Variants in NRG1 observed in about 807,000 individuals in gnomAD.
NRG1 encodes the protein neuregulin 1, also known as pro-neuregulin-1, membrane-bound isoform.
In NRG1, 18 loss-of-function variants were observed where a neutral mutation model predicts 63.8. That is an observed-to-expected ratio of 0.28 (90% CI 0.19 to 0.42). NRG1 has a LOEUF of 0.42. Ranked by LOEUF, NRG1 falls within the 10% of genes least tolerant of loss-of-function variation. The pLI is 1.00. For missense variants in NRG1, 762 were observed against 814.7 expected (o/e 0.94, Z 0.79); for synonymous variants, 302 against 301.3 (o/e 1.00, Z -0.02).
At chr8:32,133,518 T>C (rs1275394277) in intron 1 of NRG1, among the ~76,000 whole-genome samples, 3 of 152,168 alleles carry the variant, frequency 2.0e-5, no homozygotes, top group African/African-American at 7.2e-5. Flanking sequence ...CAAATAGCTA[T>C]TGGTTTGGAT....
chr8:32,548,674 C>A, exon 1 of NRG1: 1 of 1,539,750 alleles, frequency 6.5e-7, no homozygotes, highest in Admixed American at 2.0e-5. Flanking sequence ...GCCCTTGGAC[C>A]AAACTCGCCT....
intron 7 of NRG1, among the ~76,000 whole-genome samples, chr8:32,750,763 C>T (rs75220960): frequency 0.032 from 4,864 of 151,466 alleles, 320 homozygotes; most frequent in East Asian, 0.29. Flanking sequence ...ATGAGAAGCC[C>T]CCAGGTGCAC....
chr8:32,730,811 T>C (rs920281720), intron 6 of NRG1, among the ~76,000 whole-genome samples: 1 of 152,198 alleles, frequency 6.6e-6, no homozygotes, highest in African/African-American at 2.4e-5. Context: ...ATTTGTTATA[T>C]GGGGAAACCT....
chr8:31,790,387 T>C (rs996144050), intron 1 of NRG1, among the ~76,000 whole-genome samples: 1 of 152,146 alleles, frequency 6.6e-6, no homozygotes, highest in African/African-American at 2.4e-5. Context: ...GGGCTCACCG[T>C]TTGGCAATCC....
Position 31,845,090 on chromosome 8 carries a change from G to A in NRG1, c.37+205659G>A, listed in dbSNP as rs1249673098. ...CCATTGCACTCCAGCCTGGGCGACA[G>A]GGTGAGACTCCGTCTCAAATAAATA... On this transcript the variant is annotated intron_variant, in intron 1 of 10. Coordinates refer to the NRG1 transcript ENST00000519301. Among the ~76,000 whole-genome samples the A allele has an allele frequency of 4.0e-5, 6 of 151,054 alleles. No individual in the cohort carries two copies. The East Asian group carries it at 1.2e-3, about 29-fold the overall frequency.
intron 1 of NRG1, among the ~76,000 whole-genome samples, chr8:31,871,645 C>T (rs1245752856): frequency 1.3e-5 from 2 of 151,896 alleles, no homozygotes; most frequent in African/African-American, 4.8e-5. Context: ...AAAAACAAAA[C>T]AAACCAAAAA....
chr8:31,995,682 C>T (rs1052982267), intron 1 of NRG1, among the ~76,000 whole-genome samples: 1 of 151,832 alleles, frequency 6.6e-6, no homozygotes, highest in African/African-American at 2.4e-5. Context: ...GTCTTGTTTC[C>T]CAGATAAACT....
chr8:32,354,058 T>C (rs143090681), intron 1 of NRG1, among the ~76,000 whole-genome samples: 3 of 152,248 alleles, frequency 2.0e-5, no homozygotes, highest in African/African-American at 7.2e-5. Flanking sequence ...CACTAAGTGA[T>C]AGATGCTAGA....
At chr8:32,764,296 G>T (rs201022979) in exon 12 of NRG1, 2 of 1,613,892 alleles carry the variant, frequency 1.2e-6, no homozygotes, top group Non-Finnish European at 1.7e-6. Context: ...CCTGCCTTCC[G>T]CCTGGCTGAC....
At chr8:31,745,270 C>T (rs1420919353) in intron 1 of NRG1, among the ~76,000 whole-genome samples, 1 of 151,934 alleles carries the variant, frequency 6.6e-6, no homozygotes, top group Non-Finnish European at 1.5e-5. Context: ...TGTCCCCCGA[C>T]ACAGGGAACG....
rs561724751 is a variant in NRG1, at chr8:31,973,904, T to A, written c.37+334473T>A. Among the ~76,000 whole-genome samples, 17 of 152,266 alleles carry A rather than the reference T, an allele frequency of 1.1e-4. No homozygotes were observed. In the East Asian group the frequency reaches 2.3e-3, roughly 21 times the overall value. On this transcript the variant is annotated intron_variant, in intron 1 of 10. Coordinates refer to the NRG1 transcript ENST00000519301. ...TAGTATTGAAAAGCTATGAAAGAGC[T>A]TTGAATGAAATTCACTCTCCGTCTT...
intron 1 of NRG1, among the ~76,000 whole-genome samples, chr8:32,435,782 T>C (rs1818714929): frequency 6.6e-6 from 1 of 152,184 alleles, no homozygotes; most frequent in African/African-American, 2.4e-5. Context: ...TAAATATTTA[T>C]TTTTCAATAA....
intron 1 of NRG1, among the ~76,000 whole-genome samples, chr8:32,433,873 A>C (rs1196433485): frequency 6.6e-6 from 1 of 152,100 alleles, no homozygotes; most frequent in Non-Finnish European, 1.5e-5. Context: ...TTCCCCATGC[A>C]TGATAACTGG....
intron 1 of NRG1, among the ~76,000 whole-genome samples, chr8:32,007,037 G>T (rs561307130): frequency 1.3e-5 from 2 of 151,958 alleles, no homozygotes; most frequent in Non-Finnish European, 2.9e-5. Flanking sequence ...AGAGTGCCAG[G>T]CCATTTTTCC....
intron 1 of NRG1, among the ~76,000 whole-genome samples, chr8:32,496,767 A>T (rs1827245523): frequency 6.6e-6 from 1 of 152,152 alleles, no homozygotes; most frequent in African/African-American, 2.4e-5. Context: ...ATTTTAATTC[A>T]TAGGTTAAAT....
intron 1 of NRG1, among the ~76,000 whole-genome samples, chr8:32,053,038 A>G (rs550818526): frequency 1.2e-4 from 18 of 152,320 alleles, no homozygotes; most frequent in African/African-American, 4.3e-4. Flanking sequence ...TTAAAAGTAG[A>G]AAACCATTCA....
At chr8:32,692,802 T>A (rs1297188994) in intron 5 of NRG1, among the ~76,000 whole-genome samples, 3 of 152,124 alleles carry the variant, frequency 2.0e-5, no homozygotes, top group African/African-American at 7.2e-5. Flanking sequence ...AGCACCATGA[T>A]GGGCAGGAGG....
chr8:32,372,202 T>C (rs1200155130), intron 1 of NRG1, among the ~76,000 whole-genome samples: 1 of 152,032 alleles, frequency 6.6e-6, no homozygotes, highest in Non-Finnish European at 1.5e-5. Flanking sequence ...TTGCACAGGC[T>C]GGTCTCAAAC....
intron 1 of NRG1, among the ~76,000 whole-genome samples, chr8:31,704,303 C>T (rs1375118854): frequency 1.3e-5 from 2 of 152,054 alleles, no homozygotes; most frequent in Non-Finnish European, 2.9e-5. Flanking sequence ...AATATAAACA[C>T]AATGAAATCC....
Sources: gnomAD v4.1 joint callset for allele counts (sites outside exome capture counted in the v4.1 genomes callset) on GRCh38, gnomAD v4.1.1 for gene constraint, MANE v1.5 for transcripts, NCBI Gene and HGNC (gene_info 2026-07-23, HGNC 2026-07-21) for gene names.